TCERG1: variants seen among roughly 807,000 people sequenced by gnomAD.
TCERG1 encodes TATA box binding protein (TBP)-associated factor, RNA polymerase II, S, 150kD.
TCERG1 carries 37 observed loss-of-function variants against 144.7 expected under a neutral mutation model. The observed-to-expected ratio is 0.26, with a 90% CI of 0.20 to 0.34. The LOEUF (loss-of-function observed/expected upper bound fraction) is 0.34, where lower values mean the gene tolerates loss of function less well. Among genes scored for constraint, TCERG1 ranks in the 10% least tolerant of loss-of-function variants. The pLI, the probability that TCERG1 is intolerant of heterozygous loss-of-function variation, is 1.00. For synonymous variants in TCERG1, 492 were observed against 458.2 expected (o/e 1.07, Z -0.94); for missense variants, 1,027 against 1,380.7 (o/e 0.74, Z 4.06).
chr5:146,475,583 A>C (rs1008359725), intron 9 of TCERG1, among the ~76,000 whole-genome samples: 2 of 150,628 alleles, frequency 1.3e-5, no homozygotes, highest in African/African-American at 4.8e-5. Context: ...TTAAATCATT[A>C]ACCCGATTAA....
chr5:146,485,632 G>T (rs540594212), intron 15 of TCERG1, among the ~76,000 whole-genome samples: 5 of 152,138 alleles, frequency 3.3e-5, no homozygotes, highest in Non-Finnish European at 7.4e-5. Flanking sequence ...TTATTCTAGT[G>T]TTCTGTTTTC....
intron 6 of TCERG1, 42 bp from the exon 7 acceptor site, chr5:146,469,502 G>T: frequency 6.8e-7 from 1 of 1,474,218 alleles, no homozygotes; most frequent in Non-Finnish European, 9.1e-7. Context: ...TTTGTATTGC[G>T]GTTTGATACT....
chr5:146,448,565 A>T (rs934782888), intron 1 of TCERG1, among the ~76,000 whole-genome samples: 1 of 152,248 alleles, frequency 6.6e-6, no homozygotes, highest in Non-Finnish European at 1.5e-5. Flanking sequence ...AGGGTAGATT[A>T]TGAAGACTCT....
intron 15 of TCERG1, among the ~76,000 whole-genome samples, chr5:146,491,280 C>T (rs756874492): frequency 5.9e-5 from 9 of 152,074 alleles, no homozygotes; most frequent in Admixed American, 2.0e-4. Context: ...AGCCACTGCC[C>T]GGCCTATTTG....
In TCERG1 at chr5:146,470,756, G is replaced by C. The variant is rs1307523877; in HGVS notation, c.1512+8G>C. ...ATAAAGGAGATAAAGGAGGTAAAGG[G>C]CCATGACCTGTTAACCTGGGAGCCA... On this transcript the variant is annotated splice_region_variant and intron_variant, in intron 8 of 22. Coordinates refer to ENST00000679501, the MANE Select transcript of TCERG1 (RefSeq NM_001382548.1). 6.3e-7 allele frequency: 1 copy of C among 1,589,370 alleles called. No individual in the cohort carries two copies. The highest frequency in any genetic ancestry group is 1.4e-5 in the African/African-American group (1 of 73,572).
In TCERG1 at chr5:146,477,860, T is replaced by A. The variant is rs1034835103; in HGVS notation, c.1602-633T>A. On this transcript the variant is annotated intron_variant, in intron 9 of 22. Transcript: ENST00000679501. ...ACAAGCTCGTGCAATCACATCCAGC[T>A]AATTTTTTTAATTAATATTTTTTGT... is the stretch of plus-strand genomic sequence containing the variant. Among the ~76,000 whole-genome samples, 10 of 152,078 alleles carry A rather than the reference T, an allele frequency of 6.6e-5. No homozygotes were observed. The South Asian group carries it at 8.3e-4, about 13-fold the overall frequency.
chr5:146,488,648 T>C (rs1008517515), intron 15 of TCERG1, among the ~76,000 whole-genome samples: 1 of 152,134 alleles, frequency 6.6e-6, no homozygotes, highest in African/African-American at 2.4e-5. Flanking sequence ...GTATATCCAC[T>C]ATGGAAAACA....
intron 15 of TCERG1, among the ~76,000 whole-genome samples, chr5:146,484,599 T>C (rs143511548): frequency 2.8e-3 from 433 of 152,348 alleles, no homozygotes; most frequent in Middle Eastern, 6.8e-3. Context: ...GTACTTGGAA[T>C]AGAAAGACAT....
chr5:146,477,465 G>A (rs751785763), intron 9 of TCERG1, among the ~76,000 whole-genome samples: 3 of 152,116 alleles, frequency 2.0e-5, no homozygotes, highest in Non-Finnish European at 4.4e-5. Flanking sequence ...GCAGAGCTAC[G>A]AGGTGGGTGA....
In TCERG1 at chr5:146,480,049, T is replaced by C. The variant is rs1442101035; in HGVS notation, c.1841T>C (p.Met614Thr). 6.2e-7 allele frequency: 1 copy of C among 1,601,434 alleles called. No individual in the cohort carries two copies. Among genetic ancestry groups the C allele is most frequent in the Non-Finnish European group, 8.5e-7 (1 of 1,175,076 alleles). The part of the protein sequence containing the change: ...MSAIKEEQEL[M>T]EEINEDEPVK... The stretch of plus-strand genomic sequence containing the variant: ...ATAGTTAAAGAGGAACAAGAATTAA[T>C]GGAAGAAATTAATGAAGATGAGCCT... The change falls in exon 12 of 23, where the codon ATG (methionine) becomes ACG (threonine). Residue 614 changes from methionine to threonine, a missense_variant. Met to Thr is a moderately conservative substitution (Grantham distance 81). Around this residue, in one of 6 missense-constraint regions of TCERG1, gnomAD observed 482 missense variants for 632.6 expected, o/e 0.76. Transcript: ENST00000679501.
intron 2 of TCERG1, among the ~76,000 whole-genome samples, chr5:146,455,773 C>A (rs1251590126): frequency 4.6e-5 from 7 of 151,950 alleles, no homozygotes; most frequent in Non-Finnish European, 1.0e-4. Flanking sequence ...TTTTTTTCTC[C>A]CCTGGGGGGA....
At chr5:146,483,058 A>G (rs1195288974) in intron 14 of TCERG1, among the ~76,000 whole-genome samples, 1 of 152,132 alleles carries the variant, frequency 6.6e-6, no homozygotes, top group East Asian at 1.9e-4. Context: ...TCTTCCTTTA[A>G]TATCTTGAGA....
intron 17 of TCERG1, 55 bp from the exon 18 acceptor site, chr5:146,503,320 A>C: frequency 1.3e-6 from 2 of 1,524,822 alleles, no homozygotes; most frequent in Admixed American, 3.9e-5. Flanking sequence ...GATATGATGA[A>C]TTTCTCATGG....
intron 16 of TCERG1, among the ~76,000 whole-genome samples, chr5:146,493,578 CAT>C (rs1182074861): frequency 1.3e-5 from 2 of 151,986 alleles, no homozygotes; most frequent in East Asian, 1.9e-4. Flanking sequence ...CACTTTAAAA[CAT>C]ATATGTATGC....
At chr5:146,491,720 C>G (rs946546180) in intron 15 of TCERG1, among the ~76,000 whole-genome samples, 17 of 152,130 alleles carry the variant, frequency 1.1e-4, no homozygotes, top group Non-Finnish European at 2.2e-4. Flanking sequence ...AAGACACTCT[C>G]TTTTACTTTC....
chr5:146,482,837 A>T (rs1718030353), intron 14 of TCERG1, 110 bp downstream of exon 14: 1 of 1,319,756 alleles, frequency 7.6e-7, no homozygotes, highest in Non-Finnish European at 9.8e-7. Flanking sequence ...GGGGGGGATA[A>T]GGGGATTTTT....
chr5:146,470,834 T>A, intron 8 of TCERG1, 86 bp downstream of exon 8: 1 of 887,164 alleles, frequency 1.1e-6, no homozygotes, highest in Non-Finnish European at 1.6e-6. Flanking sequence ...TGGATAGATT[T>A]AAAAATAATT....
intron 9 of TCERG1, 85 bp from the exon 10 acceptor site, chr5:146,478,408 C>G (rs1039141784): frequency 7.3e-7 from 1 of 1,374,086 alleles, no homozygotes; most frequent in Non-Finnish European, 9.6e-7. Flanking sequence ...ACCCTCATCT[C>G]CCTACTTGTA....
intron 4 of TCERG1, 49 bp downstream of exon 4, chr5:146,459,386 C>T (rs373180463): frequency 1.8e-5 from 28 of 1,577,316 alleles, no homozygotes; most frequent in Non-Finnish European, 2.3e-5. Context: ...GAGACATGAA[C>T]AAGTAGGGGA....
Sources: gnomAD v4.1 joint callset for allele counts (sites outside exome capture counted in the v4.1 genomes callset) on GRCh38, gnomAD v4.1.1 for gene constraint, gnomAD v4.1.1 regional missense constraint, MANE v1.5 for transcripts, NCBI Gene and HGNC (gene_info 2026-07-23, HGNC 2026-07-21) for gene names.